The following RPH3A variants were observed in gnomAD, a reference collection of about 807,000 sequenced individuals.
RPH3A encodes the protein rabphilin-3A.
RPH3A carries 48 observed loss-of-function variants against 102.2 expected under a neutral mutation model. The ratio of observed to expected loss-of-function variants is 0.47; its 90% CI spans 0.37 to 0.60. The LOEUF (loss-of-function observed/expected upper bound fraction) is 0.60, where lower values mean the gene tolerates loss of function less well. RPH3A is among the 20% of genes least tolerant of loss of function. The probability of loss-of-function intolerance (pLI) is 0.00; values close to 1 mark genes in which losing one functional copy is unlikely to be tolerated. For synonymous variants in RPH3A, 310 were observed against 324.3 expected (o/e 0.96, Z 0.47); for missense variants, 781 against 910.1 (o/e 0.86, Z 1.83).
chr12:112,860,439 G>A (rs2042487748), intron 5 of RPH3A, among the ~76,000 whole-genome samples: 4 of 152,184 alleles, frequency 2.6e-5, no homozygotes. Context: ...TGAATAACGT[G>A]TGTTCATGAG....
intron 1 of RPH3A, among the ~76,000 whole-genome samples, chr12:112,604,909 G>A (rs2039584317): frequency 6.6e-6 from 1 of 152,230 alleles, no homozygotes; most frequent in African/African-American, 2.4e-5. Flanking sequence ...AGCAATCTGA[G>A]AGAGGCAGAG....
At chr12:112,800,127 G>A (rs529917733) in intron 2 of RPH3A, among the ~76,000 whole-genome samples, 104 of 152,290 alleles carry the variant, frequency 6.8e-4, no homozygotes, top group African/African-American at 2.3e-3. Context: ...TCCAGACCGC[G>A]TGAAGTGCCA....
rs1194370304 is a variant in RPH3A at position 112,876,639 on chromosome 12, C to A, written c.947-3C>A. 6.3e-7 allele frequency: 1 copy of A among 1,598,050 alleles called. No individual in the cohort carries two copies. The highest frequency in any genetic ancestry group is 1.3e-5 in the African/African-American group (1 of 74,548). ...CATGTTTCCTGTCCTTATCTCCCTG[C>A]AGAGGTGGCTCCGAGCGACCCTGGG... On this transcript the variant is annotated splice_region_variant and splice_polypyrimidine_tract_variant and intron_variant, in intron 12 of 21. Transcript: ENST00000389385.
chr12:112,666,525 G>A lies in RPH3A; in HGVS notation c.-140+91206G>A, dbSNP rs76536551. Among the ~76,000 whole-genome samples, 695 of 152,236 alleles carry A rather than the reference G, an allele frequency of 4.6e-3. 2 individuals carry two copies. The highest frequency in any genetic ancestry group is 7.1e-3 in the Non-Finnish European group (480 of 68,022). ...TGAGCAGTTGATGATGTGAAAATAG[G>A]ACTGCTTTAGTTCCCCCCTTCACAC... On this transcript the variant is annotated intron_variant, in intron 1 of 21. Transcript: ENST00000543106.
Position 112,713,052 on chromosome 12 carries a change from CT to C in RPH3A, c.-139-79089del, listed in dbSNP as rs1185995481. The stretch of plus-strand genomic sequence containing the variant: ...TCTTCTTCTTCTTCTTCTTCTTCTC[CT>C]TCTTCTTCTTCTTCTTCTTCTTCTT... On this transcript the variant is annotated intron_variant, in intron 1 of 21. Coordinates refer to the RPH3A transcript ENST00000543106. Among the ~76,000 whole-genome samples, 22 of 33,190 alleles carry C rather than the reference CT, an allele frequency of 6.6e-4. 2 individuals carry two copies. The highest frequency in any genetic ancestry group is 1.9e-3 in the Non-Finnish European group (21 of 11,236). The allele number at this position is 33,190 out of a possible 152,430, so 21.8% of individuals were successfully genotyped here.
At chr12:112,672,749 G>A (rs1024561140) in intron 1 of RPH3A, among the ~76,000 whole-genome samples, 5 of 152,138 alleles carry the variant, frequency 3.3e-5, no homozygotes, top group South Asian at 2.1e-4. Flanking sequence ...ATTACATCTC[G>A]GGCGACCAGC....
At chr12:112,797,144 A>C (rs2041248521) in intron 2 of RPH3A, among the ~76,000 whole-genome samples, 1 of 152,194 alleles carries the variant, frequency 6.6e-6, no homozygotes. Flanking sequence ...GGGCTCCCCG[A>C]GTCACCCAAA....
At chr12:112,874,661 A>G (rs773323533) in intron 10 of RPH3A, 1 of 158,060 alleles carries the variant, frequency 6.3e-6, no homozygotes, top group East Asian at 1.9e-4. Context: ...TAATAAAATA[A>G]TCTCACCACC....
intron 4 of RPH3A, among the ~76,000 whole-genome samples, chr12:112,838,334 C>T (rs185214773): frequency 6.6e-6 from 1 of 152,338 alleles, no homozygotes; most frequent in East Asian, 1.9e-4. Flanking sequence ...TAACAGGACC[C>T]CCAGGTCCCG....
rs370623462 is a variant in RPH3A at position 112,894,647 on chromosome 12, C to T, written c.1845C>T (p.Pro615=). Residue 615 remains proline, a synonymous_variant, in exon 20 of 22, where the codon CCC becomes CCT. Transcript: ENST00000389385. Reference sequence around the variant, plus strand: ...AAATTAAAAAGAAAACCTTGAATCCCGAATTCAATGAGGTAAGGCTGCCCT... The same window carrying T: ...AAATTAAAAAGAAAACCTTGAATCCTGAATTCAATGAGGTAAGGCTGCCCT... ...KTQIKKKTLN[P]EFNEEFFYDI... is the part of the protein sequence containing the mutation. The T allele has an allele frequency of 1.4e-4, 220 of 1,613,506 alleles. 1 individual carries two copies. The highest frequency in any genetic ancestry group is 1.2e-3 in the South Asian group (109 of 90,982).
At chr12:112,660,014 T>A (rs572571074) in intron 1 of RPH3A, among the ~76,000 whole-genome samples, 1 of 152,288 alleles carries the variant, frequency 6.6e-6, no homozygotes, top group Non-Finnish European at 1.5e-5. Flanking sequence ...CTCATCAATA[T>A]TGGGGTATTG....
rs779936025 is a variant in RPH3A, at chr12:112,865,395, A to G, written c.231-19A>G. On this transcript the variant is annotated intron_variant, in intron 5 of 21. Coordinates refer to ENST00000389385, the MANE Select transcript of RPH3A (RefSeq NM_001143854.2). ...CCCCAGTCCTACAAGGTCCTTATTT[A>G]CCTTGTCTCTGCTTCCAGACGCCTG... is the stretch of plus-strand genomic sequence containing the variant. 1.9e-6 allele frequency: 3 copies of G among 1,612,678 alleles called. No individual in the cohort carries two copies. The highest frequency in any genetic ancestry group is 1.7e-5 in the Admixed American group (1 of 59,934).
At position 112,784,082 on chromosome 12, in the gene RPH3A, C is replaced by A. The variant is rs145737404; in HGVS notation, c.-139-8061C>A. Among the ~76,000 whole-genome samples the A allele has an allele frequency of 1.8e-3, 277 of 152,266 alleles. 1 individual carries two copies. Among genetic ancestry groups the A allele is most frequent in the African/African-American group, 6.3e-3 (262 of 41,550 alleles). On this transcript the variant is annotated intron_variant, in intron 1 of 21. Coordinates refer to the RPH3A transcript ENST00000543106. ...GCCTGGGGTCACTCCTTTATGAATTCATTCATTTTCCATCAGAGCTTAAAG... is the reference window on the plus strand; with the variant it reads ...GCCTGGGGTCACTCCTTTATGAATTAATTCATTTTCCATCAGAGCTTAAAG...
intron 1 of RPH3A, among the ~76,000 whole-genome samples, chr12:112,708,746 G>A (rs551998815): frequency 7.4e-4 from 113 of 152,222 alleles, no homozygotes; most frequent in African/African-American, 2.6e-3. Flanking sequence ...ATTATCAAGC[G>A]CCCAGGGGAT....
At chr12:112,799,137 T>A (rs2041292237) in intron 2 of RPH3A, among the ~76,000 whole-genome samples, 1 of 152,170 alleles carries the variant, frequency 6.6e-6, no homozygotes, top group South Asian at 2.1e-4. Context: ...TGTAAATCCC[T>A]GCACTTTGGG....
chr12:112,673,853 C>T (rs1222793767), intron 1 of RPH3A, among the ~76,000 whole-genome samples: 2 of 152,124 alleles, frequency 1.3e-5, no homozygotes, highest in Non-Finnish European at 2.9e-5. Context: ...CCCTTCCCAG[C>T]CTCTGGTAAC....
At chr12:112,894,943 G>A (rs562437994) in intron 20 of RPH3A, among the ~76,000 whole-genome samples, 1 of 152,122 alleles carries the variant, frequency 6.6e-6, no homozygotes, top group African/African-American at 2.4e-5. Context: ...ATGTTGACAT[G>A]GTTATTCTTG....
chr12:112,667,870 CT>C (rs958595769), intron 1 of RPH3A, among the ~76,000 whole-genome samples: 13 of 152,302 alleles, frequency 8.5e-5, no homozygotes, highest in Admixed American at 2.6e-4. Flanking sequence ...TTCATCTGAT[CT>C]CTTGCTCCCC....
intron 1 of RPH3A, among the ~76,000 whole-genome samples, chr12:112,580,549 G>GC (rs1411477623): frequency 2.0e-5 from 3 of 151,634 alleles, no homozygotes; most frequent in Non-Finnish European, 4.4e-5. Flanking sequence ...GACCACCGGC[G>GC]CCCGCCACCA....
Sources: allele counts gnomAD v4.1 joint callset (sites outside exome capture counted in the v4.1 genomes callset), GRCh38; gene constraint gnomAD v4.1.1; transcripts MANE v1.5; gene names NCBI Gene and HGNC (gene_info 2026-07-23, HGNC 2026-07-21).